The following CRYBG1 variants were observed in gnomAD, a reference collection of about 807,000 sequenced individuals.
The protein encoded by CRYBG1 is crystallin beta-gamma domain containing 1.
CRYBG1 carries 139 observed loss-of-function variants against 189.2 expected under a neutral mutation model. The observed-to-expected ratio is 0.73, with a 90% CI of 0.64 to 0.85. The LOEUF is 0.85. Ranked by LOEUF, CRYBG1 falls within the 40% of genes least tolerant of loss-of-function variation. The pLI is 0.00. For synonymous variants in CRYBG1, 1,023 were observed against 1,017.1 expected (o/e 1.01, Z -0.11); for missense variants, 2,611 against 2,675.8 (o/e 0.98, Z 0.53).
rs778376314 is a variant in CRYBG1, at chr6:106,568,643, C to T, written c.*77C>T. The T allele has an allele frequency of 1.1e-5, 12 of 1,071,332 alleles. No individual in the cohort carries two copies. The highest frequency in any genetic ancestry group is 2.4e-5 in the East Asian group (1 of 42,202). 66.4% of individuals were successfully genotyped at this position (1,071,332 alleles called of 1,614,324 possible). A position where few individuals can be genotyped will look rare whatever the true frequency, so the allele number is the denominator to read the frequency against. On this transcript the variant is annotated 3_prime_UTR_variant, in exon 22 of 22. Coordinates refer to ENST00000633556, the MANE Select transcript of CRYBG1 (RefSeq NM_001371242.2). ...TAAAAAGGACAATGCTGATGGAAGA[C>T]CAGACTGGAAAGTGGATCGACTCCT...
intron 2 of CRYBG1, among the ~76,000 whole-genome samples, chr6:106,487,398 GAT>G (rs776800228): frequency 9.9e-4 from 151 of 152,210 alleles, no homozygotes; most frequent in Non-Finnish European, 1.6e-3. Context: ...GTGTTTTTAT[GAT>G]ATTAATTATC....
intron 6 of CRYBG1, 43 bp from the exon 7 acceptor site, chr6:106,527,262 C>T (rs771281681): frequency 5.2e-6 from 8 of 1,537,678 alleles, no homozygotes; most frequent in Admixed American, 2.0e-5. Flanking sequence ...CAAAACCTCT[C>T]TCACGAAGAC....
In CRYBG1 at chr6:106,561,262, A is replaced by G. The variant is rs1184993188; in HGVS notation, c.5980-80A>G. On this transcript the variant is annotated intron_variant, in intron 19 of 21. Coordinates refer to ENST00000633556, the MANE Select transcript of CRYBG1 (RefSeq NM_001371242.2). ...ACCCTTAATCCATATCTCACTTTGGATTCTTCCTGATATTCATGCTTGTTC... is the reference window on the plus strand; with the variant it reads ...ACCCTTAATCCATATCTCACTTTGGGTTCTTCCTGATATTCATGCTTGTTC... 5 of 1,456,340 alleles carry G rather than the reference A, an allele frequency of 3.4e-6. No homozygotes were observed. The Admixed American group carries it at 9.9e-5, about 29-fold the overall frequency. 90.2% of individuals were successfully genotyped at this position (1,456,340 alleles called of 1,614,324 possible).
intron 1 of CRYBG1, among the ~76,000 whole-genome samples, chr6:106,388,403 C>T (rs978574901): frequency 6.6e-6 from 1 of 152,094 alleles, no homozygotes; most frequent in Non-Finnish European, 1.5e-5. Context: ...ACCTGCCCCT[C>T]CCTCTACCCC....
At position 106,412,635 on chromosome 6, in the gene CRYBG1, G is replaced by A. The variant is rs192714490; in HGVS notation, c.174-39059G>A. 1.4e-3 allele frequency among the ~76,000 whole-genome samples: 210 copies of A among 152,322 alleles called. 3 individuals are homozygous for A. Among genetic ancestry groups the A allele is most frequent in the African/African-American group, 4.8e-3 (201 of 41,562 alleles). ...AGAGTACTTTGTCACTGATAGGAAT[G>A]AGAAAACACATGTCCTGCAATTACT... On this transcript the variant is annotated intron_variant, in intron 1 of 21. Transcript: ENST00000633556.
At chr6:106,471,499 A>C (rs1378825995) in intron 2 of CRYBG1, among the ~76,000 whole-genome samples, 1 of 152,198 alleles carries the variant, frequency 6.6e-6, no homozygotes, top group Non-Finnish European at 1.5e-5. Flanking sequence ...TAAATTATTC[A>C]AATGAGCCCA....
intron 1 of CRYBG1, among the ~76,000 whole-genome samples, chr6:106,388,548 T>A (rs374573493): frequency 1.3e-5 from 2 of 152,338 alleles, no homozygotes; most frequent in African/African-American, 4.8e-5. Context: ...ATTTTATGTG[T>A]GTTAAAAAGT....
chr6:106,502,998 C>T (rs1358761884), intron 2 of CRYBG1, among the ~76,000 whole-genome samples: 4 of 152,182 alleles, frequency 2.6e-5, no homozygotes, highest in African/African-American at 9.7e-5. Flanking sequence ...TGAAGCCTTC[C>T]CATCTGGCAC....
At chr6:106,368,478 A>G (rs1769947365) in intron 1 of CRYBG1, among the ~76,000 whole-genome samples, 1 of 152,182 alleles carries the variant, frequency 6.6e-6, no homozygotes, top group South Asian at 2.1e-4. Flanking sequence ...TTTTCAAGAT[A>G]CAGGATGTAT....
intron 1 of CRYBG1, among the ~76,000 whole-genome samples, chr6:106,368,732 A>G (rs1427335761): frequency 2.0e-5 from 3 of 152,124 alleles, no homozygotes; most frequent in Non-Finnish European, 4.4e-5. Flanking sequence ...AAGAGAAGCA[A>G]TGACCCCTCA....
intron 1 of CRYBG1, among the ~76,000 whole-genome samples, chr6:106,368,406 A>C (rs1209796262): frequency 1.3e-5 from 2 of 152,184 alleles, no homozygotes; most frequent in Non-Finnish European, 2.9e-5. Flanking sequence ...ACATGAGAAG[A>C]TCGTTTGAAG....
rs1462360744 is a variant in CRYBG1, at chr6:106,568,527, G to A, written c.6357G>A (p.Lys2119=). 1 of 1,613,806 alleles carries A rather than the reference G, an allele frequency of 6.2e-7. No individual in the cohort carries two copies. The highest frequency in any genetic ancestry group is 2.2e-5 in the East Asian group (1 of 44,896). The change falls in exon 22 of 22, where the codon AAG becomes AAA. Residue 2119 remains lysine, a synonymous_variant. Coordinates refer to ENST00000633556, the MANE Select transcript of CRYBG1 (RefSeq NM_001371242.2). ...TCCTCAACACTGTCAGCAAAGAGAA[G>A]TTTACACAAGTGTGGGAAGCCATGG... ...HIILNTVSKE[K]FTQVWEAMVL... is the part of the protein sequence containing the mutation.
intron 17 of CRYBG1, 93 bp from the exon 18 acceptor site, chr6:106,558,393 T>G: frequency 8.8e-7 from 1 of 1,134,476 alleles, no homozygotes. Flanking sequence ...TAGCAGATTT[T>G]TTGTGCTTTG....
At position 106,555,860 on chromosome 6, in the gene CRYBG1, C is replaced by G. The variant is rs1376267314; in HGVS notation, c.5678C>G (p.Pro1893Arg). The change falls in exon 17 of 22, where the codon CCT (proline) becomes CGT (arginine). Residue 1893 changes from proline to arginine, a missense_variant. Physicochemically the swap from Pro to Arg is moderately radical, Grantham distance 103. This residue lies in a region of CRYBG1 where 1,622 missense variants were observed against 1,735.0 expected (regional missense o/e 0.93). Transcript: ENST00000633556. Reference sequence around the variant, plus strand: ...TGTCTGTCTGCAATGGGATGCCCGCCTGGAGCAACTTTCAAGTCTCTTCGT... The same window carrying G: ...TGTCTGTCTGCAATGGGATGCCCGCGTGGAGCAACTTTCAAGTCTCTTCGT... ...YPCLSAMGCPPGATFKSLRFI... is the reference protein window; with the variant it reads ...YPCLSAMGCPRGATFKSLRFI... 6.2e-7 allele frequency: 1 copy of G among 1,614,162 alleles called. No homozygotes were observed. The highest frequency in any genetic ancestry group is 1.7e-5 in the Admixed American group (1 of 60,030).
chr6:106,519,301 T>C lies in CRYBG1; in HGVS notation c.2093T>C (p.Ile698Thr). Residue 698 changes from isoleucine (I) to threonine (T), a missense_variant, in exon 4 of 22, where the codon ATT becomes ACT. Around this residue, in one of 3 missense-constraint regions of CRYBG1, gnomAD observed 1,622 missense variants for 1,735.0 expected, o/e 0.93. Transcript: ENST00000633556. Reference sequence around the variant, plus strand: ...AACAGTAGCCCAAGACACACTGACATTCGAGGCCAAAGGAATACTCCTGCC... The same window carrying C: ...AACAGTAGCCCAAGACACACTGACACTCGAGGCCAAAGGAATACTCCTGCC... ...RTNSSPRHTD[I>T]RGQRNTPASS... is the part of the protein sequence containing the mutation. 1.2e-6 allele frequency: 2 copies of C among 1,614,090 alleles called. No homozygotes were observed. The highest frequency in any genetic ancestry group is 1.1e-5 in the South Asian group (1 of 91,078).
At chr6:106,424,388 ACTCATCCT>A (rs1173349348) in intron 1 of CRYBG1, among the ~76,000 whole-genome samples, 1 of 152,106 alleles carries the variant, frequency 6.6e-6, no homozygotes, top group African/African-American at 2.4e-5. Flanking sequence ...TGACCATTTT[ACTCATCCT>A]CCCTTCCCAC....
intron 1 of CRYBG1, among the ~76,000 whole-genome samples, chr6:106,440,439 AT>A (rs112392768): frequency 0.16 from 23,737 of 151,678 alleles, 1,941 homozygotes; most frequent in African/African-American, 0.2. Context: ...TAATTTTTGT[AT>A]TTTTTTGGTA....
chr6:106,562,129 A>C (rs188922383), intron 20 of CRYBG1, among the ~76,000 whole-genome samples: 1 of 151,296 alleles, frequency 6.6e-6, no homozygotes, highest in African/African-American at 2.4e-5. Flanking sequence ...AAACAAAACA[A>C]AACAAAAAAC....
At chr6:106,396,703 T>C (rs961734578) in intron 1 of CRYBG1, among the ~76,000 whole-genome samples, 6 of 152,124 alleles carry the variant, frequency 3.9e-5, no homozygotes, top group South Asian at 2.1e-4. Flanking sequence ...ACATAGAAAT[T>C]TGGAGTCTTG....
Sources: allele counts gnomAD v4.1 joint callset (sites outside exome capture counted in the v4.1 genomes callset), GRCh38; gene constraint gnomAD v4.1.1; regional missense constraint gnomAD v4.1.1; transcripts MANE v1.5; gene names NCBI Gene and HGNC (gene_info 2026-07-23, HGNC 2026-07-21).